The following ITPR1 variants were observed in gnomAD, a reference collection of about 807,000 sequenced individuals.
The protein encoded by ITPR1 is inositol 1,4,5-trisphosphate receptor type 1.
ITPR1 carries 96 observed loss-of-function variants against 318.4 expected under a neutral mutation model. The observed-to-expected ratio is 0.30, with a 90% CI of 0.26 to 0.36. ITPR1 has a LOEUF of 0.36. Ranked by LOEUF, ITPR1 falls within the 10% of genes least tolerant of loss-of-function variation. The pLI, the probability that ITPR1 is intolerant of heterozygous loss-of-function variation, is 1.00. For missense variants in ITPR1, 2,440 were observed against 3,460.2 expected (o/e 0.71, Z 7.40); for synonymous variants, 1,312 against 1,289.9 (o/e 1.02, Z -0.37).
intron 2 of ITPR1, among the ~76,000 whole-genome samples, chr3:4,512,495 A>T (rs1377444127): frequency 6.6e-6 from 1 of 151,980 alleles, no homozygotes; most frequent in African/African-American, 2.4e-5. Context: ...ACCTTTTTTC[A>T]TCAGGGGAAT....
intron 4 of ITPR1, among the ~76,000 whole-genome samples, chr3:4,537,567 A>C (rs536348970): frequency 2.6e-5 from 4 of 152,286 alleles, no homozygotes; most frequent in Admixed American, 6.5e-5. Flanking sequence ...TGAGATGGGG[A>C]GAGTATCCTG....
At chr3:4,607,594 C>T (rs991015061) in intron 4 of ITPR1, among the ~76,000 whole-genome samples, 2 of 152,040 alleles carry the variant, frequency 1.3e-5, no homozygotes, top group Non-Finnish European at 2.9e-5. Context: ...TCAAATCAGC[C>T]TCCCAGAGAA....
At chr3:4,823,876 T>A (rs536631449) in intron 60 of ITPR1, among the ~76,000 whole-genome samples, 1 of 152,332 alleles carries the variant, frequency 6.6e-6, no homozygotes, top group East Asian at 1.9e-4. Context: ...CATACATTTG[T>A]ACAAATGAAA....
intron 7 of ITPR1, among the ~76,000 whole-genome samples, chr3:4,643,907 A>C (rs2093395753): frequency 6.6e-6 from 1 of 151,236 alleles, no homozygotes. Context: ...ATCTCTGTAT[A>C]ATCAGTGACA....
At chr3:4,708,837 C>G (rs1043564089) in intron 37 of ITPR1, among the ~76,000 whole-genome samples, 1 of 152,208 alleles carries the variant, frequency 6.6e-6, no homozygotes, top group African/African-American at 2.4e-5. Context: ...CACTCGCAAA[C>G]AGACCACTTC....
intron 30 of ITPR1, among the ~76,000 whole-genome samples, chr3:4,688,116 C>T (rs1366755633): frequency 1.4e-5 from 2 of 143,994 alleles, no homozygotes; most frequent in African/African-American, 5.0e-5. Context: ...AGGCTGTTCT[C>T]AAACTCCTGC....
intron 28 of ITPR1, 42 bp from the exon 29 acceptor site, chr3:4,684,239 A>T (rs767943868): frequency 7.3e-7 from 1 of 1,364,750 alleles, no homozygotes; most frequent in South Asian, 1.2e-5. Flanking sequence ...ACAGTAGCCC[A>T]AGAGTTGTAC....
intron 45 of ITPR1, 157 bp from the exon 46 acceptor site, chr3:4,768,354 G>A: frequency 1.2e-6 from 1 of 823,246 alleles, no homozygotes; most frequent in Non-Finnish European, 1.8e-6. Flanking sequence ...AATCCTGTCT[G>A]AGGACTGAGA....
At position 4,803,957 on chromosome 3, in the gene ITPR1, C is replaced by T. The variant is rs538000414; in HGVS notation, c.7108-2146C>T. On this transcript the variant is annotated intron_variant, in intron 54 of 61. Transcript: ENST00000649015. ...TACAATCTCGGCTCACTGCAACCTC[C>T]GCCTCCTGGGTTCAAGCAATTCTCC... is the stretch of plus-strand genomic sequence containing the variant. Among the ~76,000 whole-genome samples, 151 of 152,254 alleles carry T rather than the reference C, an allele frequency of 9.9e-4. 1 individual carries two copies. The highest frequency in any genetic ancestry group is 3.5e-3 in the African/African-American group (145 of 41,546).
intron 4 of ITPR1, among the ~76,000 whole-genome samples, chr3:4,619,294 C>T (rs775885013): frequency 1.2e-4 from 19 of 152,150 alleles, no homozygotes; most frequent in Admixed American, 7.2e-4. Context: ...GGGGAGTCAT[C>T]TCCAGTTCTA....
intron 60 of ITPR1, among the ~76,000 whole-genome samples, chr3:4,833,680 T>G (rs2050678916): frequency 6.6e-6 from 1 of 152,222 alleles, no homozygotes; most frequent in African/African-American, 2.4e-5. Context: ...CCTGCCTGTC[T>G]GCCCTCATCC....
intron 4 of ITPR1, among the ~76,000 whole-genome samples, chr3:4,577,010 A>G (rs888393453): frequency 2.0e-5 from 3 of 152,234 alleles, no homozygotes; most frequent in African/African-American, 7.2e-5. Flanking sequence ...AAATCAATAC[A>G]GCCTTGCCTT....
intron 19 of ITPR1, 125 bp from the exon 20 acceptor site, chr3:4,670,604 G>T (rs1006791156): frequency 7.0e-6 from 5 of 709,828 alleles, no homozygotes; most frequent in Non-Finnish European, 1.2e-5. Context: ...GCTCTCTGCG[G>T]CTCTGCCCTT....
intron 26 of ITPR1, among the ~76,000 whole-genome samples, chr3:4,683,176 T>G (rs539169328): frequency 2.9e-4 from 44 of 152,334 alleles, no homozygotes; most frequent in African/African-American, 1.0e-3. Context: ...ACTTATCTTT[T>G]AATATGACAT....
chr3:4,699,551 C>G (rs569988971), intron 34 of ITPR1, among the ~76,000 whole-genome samples: 1 of 152,142 alleles, frequency 6.6e-6, no homozygotes. Context: ...TCCAGACACA[C>G]GTAGGAAGCT....
intron 36 of ITPR1, among the ~76,000 whole-genome samples, chr3:4,705,324 C>T (rs1006747534): frequency 7.9e-5 from 12 of 152,238 alleles, no homozygotes; most frequent in East Asian, 5.8e-4. Flanking sequence ...CATTGTCACC[C>T]GTTGTCAGCA....
rs571790893 is a variant in ITPR1, at chr3:4,612,211, A to G, written c.164-15552A>G. ...CGAGTAGCTGGGATTACAGGCGCCC[A>G]CCACCACGCCTGGCTAATTTTTATA... is the stretch of plus-strand genomic sequence containing the variant. On this transcript the variant is annotated intron_variant, in intron 4 of 61. Coordinates refer to ENST00000649015, the MANE Select transcript of ITPR1 (RefSeq NM_001378452.1). 4.7e-3 allele frequency among the ~76,000 whole-genome samples: 720 copies of G among 151,670 alleles called. 2 individuals are homozygous for G. Among genetic ancestry groups the G allele is most frequent in the African/African-American group, 7.4e-3 (304 of 41,352 alleles).
intron 16 of ITPR1, 93 bp from the exon 17 acceptor site, chr3:4,665,045 C>A: frequency 2.2e-6 from 3 of 1,360,104 alleles, no homozygotes; most frequent in Non-Finnish European, 2.1e-6. Context: ...CTAATGTAAT[C>A]CAGCCACCCT....
chr3:4,703,104 C>T (rs1559731612), intron 36 of ITPR1, among the ~76,000 whole-genome samples, 154 bp downstream of exon 36: 1 of 152,184 alleles, frequency 6.6e-6, no homozygotes, highest in Non-Finnish European at 1.5e-5. Context: ...TTCTTGATTG[C>T]TGGGCTTCTT....
Sources: gnomAD v4.1 joint callset for allele counts (sites outside exome capture counted in the v4.1 genomes callset) on GRCh38, gnomAD v4.1.1 for gene constraint, MANE v1.5 for transcripts, NCBI Gene and HGNC (gene_info 2026-07-23, HGNC 2026-07-21) for gene names.